ADK: variants seen among roughly 807,000 people sequenced by gnomAD.
The protein encoded by ADK is N6,N6-dimethyladenosine kinase.
Under a neutral mutation model 44.7 loss-of-function variants are expected in ADK, and 24 were observed. That is an observed-to-expected ratio of 0.54 (90% CI 0.39 to 0.76). ADK has a LOEUF of 0.76. Among genes scored for constraint, ADK ranks in the 30% least tolerant of loss-of-function variants. The pLI, the probability that ADK is intolerant of heterozygous loss-of-function variation, is 0.00. For missense variants in ADK, 321 were observed against 425.1 expected (o/e 0.76, Z 2.15); for synonymous variants, 128 against 142.6 (o/e 0.90, Z 0.73).
chr10:74,210,351 A>AAT (rs1843769414), intron 2 of ADK, among the ~76,000 whole-genome samples: 2 of 150,430 alleles, frequency 1.3e-5, no homozygotes, highest in African/African-American at 5.0e-5. Flanking sequence ...AAAAAAAAAA[A>AAT]TAGAAAATAC....
At chr10:74,278,912 A>T (rs1372053271) in intron 3 of ADK, among the ~76,000 whole-genome samples, 9 of 152,296 alleles carry the variant, frequency 5.9e-5, no homozygotes, top group Non-Finnish European at 2.9e-5. Flanking sequence ...TGGATTCTTT[A>T]ATCTTATAAT....
chr10:74,309,117 A>G (rs536814796), intron 3 of ADK, among the ~76,000 whole-genome samples: 1 of 152,220 alleles, frequency 6.6e-6, no homozygotes, highest in South Asian at 2.1e-4. Context: ...TAAGGAGAAA[A>G]ATGACACATT....
At chr10:74,503,069 C>T (rs557648127) in intron 6 of ADK, among the ~76,000 whole-genome samples, 47 of 152,206 alleles carry the variant, frequency 3.1e-4, no homozygotes, top group Non-Finnish European at 6.0e-4. Context: ...TATGTATTTT[C>T]TTCTTTCCTT....
At chr10:74,475,755 T>G (rs1473505061) in intron 6 of ADK, among the ~76,000 whole-genome samples, 1 of 84,826 alleles carries the variant, frequency 1.2e-5, no homozygotes, top group Non-Finnish European at 2.3e-5. Flanking sequence ...AAGAGAGAAA[T>G]AAAAGAAGAA....
At chr10:74,485,061 G>T (rs1198507259) in intron 6 of ADK, among the ~76,000 whole-genome samples, 1 of 151,972 alleles carries the variant, frequency 6.6e-6, no homozygotes, top group East Asian at 1.9e-4. Flanking sequence ...AAGAGCCTTT[G>T]TTTATCAATA....
At chr10:74,577,050 T>C (rs1851209804) in intron 7 of ADK, among the ~76,000 whole-genome samples, 1 of 152,006 alleles carries the variant, frequency 6.6e-6, no homozygotes. Flanking sequence ...GTACCTACTT[T>C]CAATTTAGTA....
intron 4 of ADK, among the ~76,000 whole-genome samples, chr10:74,351,550 T>G (rs1161670032): frequency 6.6e-6 from 1 of 152,086 alleles, no homozygotes; most frequent in Admixed American, 6.6e-5. Context: ...TCAACATAGT[T>G]TTGGAAGTTC....
At chr10:74,417,057 A>G (rs1455938151) in intron 6 of ADK, among the ~76,000 whole-genome samples, 1 of 152,080 alleles carries the variant, frequency 6.6e-6, no homozygotes, top group Non-Finnish European at 1.5e-5. Flanking sequence ...GTAGATTGAT[A>G]GGCTTCTTGT....
chr10:74,664,242 GAT>G (rs1476567117), intron 9 of ADK, among the ~76,000 whole-genome samples: 2 of 152,152 alleles, frequency 1.3e-5, no homozygotes, highest in African/African-American at 4.8e-5. Flanking sequence ...AATATAGAAA[GAT>G]ATCCAAGATT....
At chr10:74,280,415 A>ACACACACACACACACACACACAC (rs1846887028) in intron 3 of ADK, among the ~76,000 whole-genome samples, 1 of 144,342 alleles carries the variant, frequency 6.9e-6, no homozygotes, top group Non-Finnish European at 1.5e-5. Flanking sequence ...AACAAGTTTA[A>ACACACACACACACACACACACAC]ACACACACAC....
Position 74,282,765 on chromosome 10 carries a change from A to G in ADK, c.195-31902A>G, listed in dbSNP as rs141374233. 3.7e-3 allele frequency among the ~76,000 whole-genome samples: 567 copies of G among 152,294 alleles called. 1 individual carries two copies. The highest frequency in any genetic ancestry group is 0.013 in the African/African-American group (531 of 41,556). On this transcript the variant is annotated intron_variant, in intron 3 of 10. Coordinates refer to ENST00000539909, the MANE Select transcript of ADK (RefSeq NM_006721.4). ...CCCTTACCAGAACCTTTAGAATGAA[A>G]GGTTTAATGATATCTTCTAGTATAA...
Position 74,643,323 on chromosome 10 carries a change from C to CT in ADK, c.878-26856dup, listed in dbSNP as rs1169775172. On this transcript the variant is annotated intron_variant, in intron 9 of 10. Transcript: ENST00000539909. ...GGACATAAATTTGCCTTCTTGATCA[C>CT]TTTTACCCATAGGTTCTAGTTCTAC... Among the ~76,000 whole-genome samples the CT allele has an allele frequency of 3.3e-5, 5 of 152,316 alleles. No homozygotes were observed. In the East Asian group the frequency reaches 9.6e-4, roughly 29 times the overall value.
chr10:74,466,026 T>C (rs1177190825), intron 6 of ADK, among the ~76,000 whole-genome samples: 1 of 152,158 alleles, frequency 6.6e-6, no homozygotes, highest in African/African-American at 2.4e-5. Flanking sequence ...TTTTCTTACC[T>C]TACTAACATT....
chr10:74,167,651 T>C (rs1842066004), intron 1 of ADK, among the ~76,000 whole-genome samples: 1 of 152,198 alleles, frequency 6.6e-6, no homozygotes, highest in Non-Finnish European at 1.5e-5. Context: ...AAGCAGGAGC[T>C]GGCAGCCCTC....
At position 74,708,538 on chromosome 10, in the gene ADK, C is replaced by A; in HGVS notation, c.*93C>A. ...ATTAATAAAGAAGAAAATTATCTGC[C>A]ATTTTTTCCTACTATAATAATGCTG... On this transcript the variant is annotated 3_prime_UTR_variant, in exon 11 of 11. Transcript: ENST00000539909. 7.1e-7 allele frequency: 1 copy of A among 1,409,864 alleles called. No homozygotes were observed. The highest frequency in any genetic ancestry group is 9.7e-7 in the Non-Finnish European group (1 of 1,032,458). 87.3% of individuals were successfully genotyped at this position (1,409,864 alleles called of 1,614,324 possible).
chr10:74,285,799 A>G (rs998694163), intron 3 of ADK, among the ~76,000 whole-genome samples: 2 of 152,218 alleles, frequency 1.3e-5, no homozygotes, highest in African/African-American at 4.8e-5. Flanking sequence ...ATTGAAGGTT[A>G]TCTGGTAGGT....
chr10:74,248,491 T>G (rs932427148), intron 3 of ADK, among the ~76,000 whole-genome samples: 4 of 152,056 alleles, frequency 2.6e-5, no homozygotes, highest in Non-Finnish European at 5.9e-5. Context: ...CCCGAGTAGC[T>G]GGGATTACAG....
intron 6 of ADK, among the ~76,000 whole-genome samples, chr10:74,512,152 C>T (rs1848358522): frequency 6.6e-6 from 1 of 152,082 alleles, no homozygotes; most frequent in African/African-American, 2.4e-5. Flanking sequence ...GGATAATCCT[C>T]ACTTGCTCAT....
intron 9 of ADK, among the ~76,000 whole-genome samples, chr10:74,632,546 T>C (rs1305720981): frequency 6.6e-6 from 1 of 152,224 alleles, no homozygotes; most frequent in Non-Finnish European, 1.5e-5. Context: ...CTTGTAGCTA[T>C]ATCACTTCAG....
Sources: allele counts gnomAD v4.1 joint callset (sites outside exome capture counted in the v4.1 genomes callset), GRCh38; gene constraint gnomAD v4.1.1; transcripts MANE v1.5; gene names NCBI Gene and HGNC (gene_info 2026-07-23, HGNC 2026-07-21).